PLEKHH1: variants seen among roughly 807,000 people sequenced by gnomAD.
PLEKHH1 encodes pleckstrin homology domain-containing family H member 1.
A neutral mutation model predicts 160.0 loss-of-function variants in PLEKHH1; 104 were observed. That is an observed-to-expected ratio of 0.65 (90% confidence interval 0.55 to 0.76). The LOEUF (loss-of-function observed/expected upper bound fraction) is 0.76. Ranked by LOEUF, PLEKHH1 falls within the 30% of genes least tolerant of loss-of-function variation. The pLI is 0.00. For missense variants in PLEKHH1, 1,427 were observed against 1,724.1 expected (o/e 0.83, Z 3.05); for synonymous variants, 619 against 678.4 (o/e 0.91, Z 1.36).
chr14:67,566,045 GGA>G (rs1366652398), intron 7 of PLEKHH1, among the ~76,000 whole-genome samples: 1 of 152,210 alleles, frequency 6.6e-6, no homozygotes, highest in African/African-American at 2.4e-5. Context: ...CTTGAACCCA[GGA>G]GGCGAAGGTT....
chr14:67,572,967 C>T (rs369724692), intron 11 of PLEKHH1, among the ~76,000 whole-genome samples: 1 of 152,112 alleles, frequency 6.6e-6, no homozygotes, highest in Non-Finnish European at 1.5e-5. Flanking sequence ...AGCTCAGGGC[C>T]GGCTCTCTCC....
chr14:67,586,577 T>G lies in PLEKHH1; in HGVS notation c.3933+480T>G, dbSNP rs1271565116. 1.6e-5 allele frequency: 8 copies of G among 509,874 alleles called. No individual in the cohort carries two copies. In the East Asian group the frequency reaches 2.7e-4, roughly 17 times the overall value. 31.6% of individuals were successfully genotyped at this position (509,874 alleles called of 1,614,324 possible). ...CGCAAAAAGACCTCTTTTGCTTTAG[T>G]GACTTTGTTCCTACTCAATACAGGA... On this transcript the variant is annotated intron_variant, in intron 28 of 28. Coordinates refer to ENST00000329153, the MANE Select transcript of PLEKHH1 (RefSeq NM_020715.3).
rs1026439514 is a variant in PLEKHH1, at chr14:67,578,138, T to A, written c.2690T>A (p.Ile897Asn). The A allele has an allele frequency of 6.8e-6, 11 of 1,613,732 alleles. No homozygotes were observed. Among genetic ancestry groups the A allele is most frequent in the Non-Finnish European group, 9.3e-6 (11 of 1,179,868 alleles). Reference sequence around the variant, plus strand: ...GTTCACCCCGAGCTGCAGAGTGAGATCTACTGCCAACTCATGAAGCAGACC... The same window carrying A: ...GTTCACCCCGAGCTGCAGAGTGAGAACTACTGCCAACTCATGAAGCAGACC... ...CLVHPELQSEIYCQLMKQTSC... is the reference protein window; with the variant it reads ...CLVHPELQSENYCQLMKQTSC... Residue 897 changes from isoleucine (I) to asparagine (N), a missense_variant, in exon 19 of 29, where the codon ATC (isoleucine) becomes AAC (asparagine). Coordinates refer to ENST00000329153, the MANE Select transcript of PLEKHH1 (RefSeq NM_020715.3). This position sits in a 1 kb window ranked among gnomAD's most constrained non-coding sequence, Gnocchi z 5.0.
chr14:67,576,469 C>A lies in PLEKHH1; in HGVS notation c.2427C>A (p.Leu809=). The change falls in exon 17 of 29, where the codon CTC becomes CTA. Residue 809 remains leucine, a synonymous_variant. Coordinates refer to ENST00000329153, the MANE Select transcript of PLEKHH1 (RefSeq NM_020715.3). The surrounding 1 kb of genome is among the most constrained non-coding windows in gnomAD (Gnocchi z 4.0). ...AGGTGGGCACTGCCTATGAGCAGCT[C>A]ATTGGAAAACTGATGGATGGTGAAG... ...SAKVGTAYEQ[L]IGKLMDGEGD... is the part of the protein sequence containing the mutation. The A allele has an allele frequency of 6.2e-7, 1 of 1,602,324 alleles. No homozygotes were observed. Among genetic ancestry groups the A allele is most frequent in the South Asian group, 1.1e-5 (1 of 90,802 alleles).
intron 11 of PLEKHH1, 125 bp downstream of exon 11, chr14:67,572,402 G>A (rs1180928395): frequency 4.0e-5 from 22 of 551,678 alleles, no homozygotes; most frequent in South Asian, 3.7e-4. Context: ...GGGGATGGGG[G>A]CAGGGGGCGT....
chr14:67,571,677 G>A, intron 9 of PLEKHH1, 75 bp from the exon 10 acceptor site: 1 of 1,493,386 alleles, frequency 6.7e-7, no homozygotes. Flanking sequence ...ACTTGGACCA[G>A]GAGTGCAAGC....
intron 7 of PLEKHH1, among the ~76,000 whole-genome samples, chr14:67,568,595 TAAAAAA>T (rs2035221700): frequency 6.6e-6 from 1 of 152,076 alleles, no homozygotes; most frequent in African/African-American, 2.4e-5. Flanking sequence ...CCCTGGAACT[TAAAAAA>T]CAAACAAATT....
rs112752231 is a variant in PLEKHH1 at position 67,582,815 on chromosome 14, C to T, written c.3426+605C>T. 3.6e-3 allele frequency among the ~76,000 whole-genome samples: 542 copies of T among 152,092 alleles called. 2 individuals are homozygous for T. The highest frequency in any genetic ancestry group is 5.8e-3 in the Non-Finnish European group (393 of 67,976). ...TCATGCCATTGCACTACAGCCTAGGCGACAACAGCAAAACTCTGTCTCAAA... is the reference window on the plus strand; with the variant it reads ...TCATGCCATTGCACTACAGCCTAGGTGACAACAGCAAAACTCTGTCTCAAA... On this transcript the variant is annotated intron_variant, in intron 24 of 28. Transcript: ENST00000329153. The surrounding 1 kb of genome is among the most constrained non-coding windows in gnomAD (Gnocchi z 5.0).
chr14:67,540,730 T>A (rs116981544), intron 1 of PLEKHH1, among the ~76,000 whole-genome samples: 2 of 152,226 alleles, frequency 1.3e-5, no homozygotes, highest in Non-Finnish European at 2.9e-5. Context: ...ACCAAATTTA[T>A]ACTTTTTGGG....
Position 67,578,597 on chromosome 14 carries a change from G to T in PLEKHH1, c.2815G>T (p.Val939Phe). The stretch of plus-strand genomic sequence containing the variant: ...GCCTCAGCATCACTTCCTCTGGTAT[G>T]TCAAGCAGCAGCTCCAACGCCATGC... ...FLPQHHFLWY[V>F]KQQLQRHADP... The change falls in exon 20 of 29, where the codon GTC becomes TTC. Residue 939 changes from valine (V) to phenylalanine (F), a missense_variant. Val to Phe is a conservative substitution (Grantham distance 50). This residue lies in a region of PLEKHH1 where 436 missense variants were observed against 607.5 expected (regional missense o/e 0.72). Coordinates refer to ENST00000329153, the MANE Select transcript of PLEKHH1 (RefSeq NM_020715.3). This position sits in a 1 kb window ranked among gnomAD's most constrained non-coding sequence, Gnocchi z 5.0. 7.4e-6 allele frequency: 12 copies of T among 1,611,646 alleles called. No homozygotes were observed. Among genetic ancestry groups the T allele is most frequent in the Non-Finnish European group, 9.3e-6 (11 of 1,178,968 alleles).
rs1195637994 is a variant in PLEKHH1, at chr14:67,549,921, G to A, written c.127-5904G>A. ...GACAAAGCCCACATGTGATTCTTAC[G>A]CCCTTGAAAGTCTCTCCTGCAACTA... On this transcript the variant is annotated intron_variant, in intron 2 of 28. Transcript: ENST00000329153. Among the ~76,000 whole-genome samples the A allele has an allele frequency of 1.2e-4, 18 of 152,220 alleles. 1 individual carries two copies. In the South Asian group the frequency reaches 1.2e-3, roughly 11 times the overall value.
intron 5 of PLEKHH1, among the ~76,000 whole-genome samples, chr14:67,560,967 G>T (rs866837770): frequency 6.6e-6 from 1 of 152,270 alleles, no homozygotes; most frequent in East Asian, 1.9e-4. Flanking sequence ...CTGACCTCAG[G>T]TGATCTGCCC....
At chr14:67,585,467 T>G in intron 26 of PLEKHH1, 101 bp from the exon 27 acceptor site, 2 of 758,680 alleles carry the variant, frequency 2.6e-6, no homozygotes. Context: ...TGGAAATCAC[T>G]GCTTAGCAGA....
At chr14:67,586,543 G>A (rs1355344416) in intron 28 of PLEKHH1, 1 of 629,704 alleles carries the variant, frequency 1.6e-6, no homozygotes, top group Middle Eastern at 4.2e-4. Flanking sequence ...TCCTTGTTGT[G>A]GGGAAGACCG....
chr14:67,575,328 C>A, intron 14 of PLEKHH1, 64 bp from the exon 15 acceptor site: 1 of 964,380 alleles, frequency 1.0e-6, no homozygotes, highest in Non-Finnish European at 1.6e-6. Context: ...TTCTATTTGC[C>A]AGTCCTGGAT....
intron 27 of PLEKHH1, 135 bp downstream of exon 27, chr14:67,585,789 T>G: frequency 9.9e-7 from 1 of 1,009,752 alleles, no homozygotes; most frequent in Non-Finnish European, 1.5e-6. Flanking sequence ...GCACCAGTCC[T>G]CTAGTCTAGA....
chr14:67,550,967 T>A (rs539394542), intron 2 of PLEKHH1, among the ~76,000 whole-genome samples: 15 of 152,242 alleles, frequency 9.9e-5, no homozygotes, highest in Non-Finnish European at 1.6e-4. Flanking sequence ...AGTTAATGCA[T>A]GTACAGTGCT....
chr14:67,585,539 T>C lies in PLEKHH1; in HGVS notation c.3700-29T>C, dbSNP rs760121140. On this transcript the variant is annotated intron_variant, in intron 26 of 28. Coordinates refer to ENST00000329153, the MANE Select transcript of PLEKHH1 (RefSeq NM_020715.3). ...AGTTCAAAATCTCTAACTATGGATA[T>C]ATCTGATGGGTTGTTTCTGTTTCCC... is the stretch of plus-strand genomic sequence containing the variant. The C allele has an allele frequency of 5.5e-6, 8 of 1,444,950 alleles. No individual in the cohort carries two copies. In the South Asian group the frequency reaches 9.8e-5, roughly 18 times the overall value. The allele number at this position is 1,444,950 out of a possible 1,614,324, so 89.5% of individuals were successfully genotyped here.
At chr14:67,565,717 GA>G (rs2035057828) in intron 7 of PLEKHH1, among the ~76,000 whole-genome samples, 4 of 152,202 alleles carry the variant, frequency 2.6e-5, no homozygotes, top group Admixed American at 2.6e-4. Flanking sequence ...CTGGCAGCAG[GA>G]GGAATGAGGT....
Sources: allele counts gnomAD v4.1 joint callset (sites outside exome capture counted in the v4.1 genomes callset), GRCh38; gene constraint gnomAD v4.1.1; regional missense constraint gnomAD v4.1.1; non-coding constraint Gnocchi (gnomAD v3.1); transcripts MANE v1.5; gene names NCBI Gene and HGNC (gene_info 2026-07-23, HGNC 2026-07-21).